GRM8: variants seen among roughly 807,000 people sequenced by gnomAD.
GRM8 encodes the protein metabotropic glutamate receptor 8.
In GRM8, 47 loss-of-function variants were observed where a neutral mutation model predicts 87.2. The ratio of observed to expected loss-of-function variants is 0.54; its 90% CI spans 0.43 to 0.69. The LOEUF (loss-of-function observed/expected upper bound fraction) is 0.69. Ranked by LOEUF, GRM8 falls within the 30% of genes least tolerant of loss-of-function variation. The probability of loss-of-function intolerance (pLI) is 0.00; values close to 1 mark genes in which losing one functional copy is unlikely to be tolerated. For missense variants in GRM8, 1,019 were observed against 1,139.2 expected (o/e 0.89, Z 1.52); for synonymous variants, 396 against 404.5 (o/e 0.98, Z 0.25).
At chr7:126,903,454 C>T (rs1802300275) in intron 5 of GRM8, among the ~76,000 whole-genome samples, 2 of 151,390 alleles carry the variant, frequency 1.3e-5, no homozygotes, top group Admixed American at 1.3e-4. Flanking sequence ...ACCATAAATA[C>T]CCATGGAAAT....
At chr7:126,914,631 A>C (rs936824483) in intron 3 of GRM8, among the ~76,000 whole-genome samples, 4 of 152,234 alleles carry the variant, frequency 2.6e-5, no homozygotes, top group Non-Finnish European at 4.4e-5. Flanking sequence ...ACATGGATGC[A>C]GCTAGAGGCC....
Position 126,609,502 on chromosome 7 carries a change from TA to T in GRM8, c.1358-5del. On this transcript the variant is annotated splice_region_variant and splice_polypyrimidine_tract_variant and intron_variant, in intron 7 of 10. Transcript: ENST00000339582. ...GTGACAGGAGTGCCAGCACTGCCTA[TA>T]AAGATTTAGAAAACAATGTTAATAA... 6.2e-7 allele frequency: 1 copy of T among 1,606,982 alleles called. No homozygotes were observed.
At chr7:126,554,732 A>G (rs1166774398) in intron 8 of GRM8, among the ~76,000 whole-genome samples, 1 of 152,180 alleles carries the variant, frequency 6.6e-6, no homozygotes, top group Non-Finnish European at 1.5e-5. Context: ...TATTTTTATA[A>G]AAGTTTTCAG....
intron 3 of GRM8, among the ~76,000 whole-genome samples, chr7:127,003,302 G>A (rs17867124): frequency 0.027 from 4,075 of 151,730 alleles, 146 homozygotes; most frequent in Middle Eastern, 0.099. Context: ...CAACATCTTA[G>A]GAAAACATCC....
chr7:127,131,855 G>C (rs1470321411), intron 2 of GRM8, among the ~76,000 whole-genome samples: 1 of 151,928 alleles, frequency 6.6e-6, no homozygotes, highest in African/African-American at 2.4e-5. Flanking sequence ...CCTGGAATCT[G>C]TTATTTATGC....
intron 3 of GRM8, among the ~76,000 whole-genome samples, chr7:126,943,942 A>G (rs1208814953): frequency 6.6e-6 from 1 of 152,258 alleles, no homozygotes; most frequent in African/African-American, 2.4e-5. Context: ...GTGCTTGATG[A>G]AAGTTTAAAT....
chr7:126,576,161 A>G (rs1199892428), intron 8 of GRM8, among the ~76,000 whole-genome samples: 1 of 152,234 alleles, frequency 6.6e-6, no homozygotes, highest in Non-Finnish European at 1.5e-5. Flanking sequence ...TCTCACCAAC[A>G]TTTTGAGAAG....
In GRM8 at chr7:126,537,229, G is replaced by T. The variant is rs556079013; in HGVS notation, c.1495-3342C>A. 1.8e-4 allele frequency among the ~76,000 whole-genome samples: 28 copies of T among 152,264 alleles called. 1 individual carries two copies. In the South Asian group the frequency reaches 5.8e-3, roughly 32 times the overall value. ...TAACATTTTTATTATAAAGGAGACTGTAATGTTATAGTTTACAGATTATGT... is the reference window on the plus strand; with the variant it reads ...TAACATTTTTATTATAAAGGAGACTTTAATGTTATAGTTTACAGATTATGT... On this transcript the variant is annotated intron_variant, in intron 8 of 10. Transcript: ENST00000339582.
intron 7 of GRM8, among the ~76,000 whole-genome samples, chr7:126,724,493 C>T (rs919281489): frequency 6.6e-6 from 1 of 152,168 alleles, no homozygotes; most frequent in African/African-American, 2.4e-5. Context: ...CTCTCAGCCT[C>T]ACTTACCTGC....
At chr7:127,044,328 C>T (rs1818724796) in intron 3 of GRM8, among the ~76,000 whole-genome samples, 1 of 152,194 alleles carries the variant, frequency 6.6e-6, no homozygotes, top group South Asian at 2.1e-4. Context: ...CTCCCTACTC[C>T]ACCTGCCTAC....
chr7:126,913,751 T>A, intron 3 of GRM8, among the ~76,000 whole-genome samples: 1 of 152,208 alleles, frequency 6.6e-6, no homozygotes, highest in Non-Finnish European at 1.5e-5. Flanking sequence ...ACGCCTCCTG[T>A]AACAATATTT....
At chr7:127,015,942 G>A (rs900694358) in intron 3 of GRM8, among the ~76,000 whole-genome samples, 1 of 152,056 alleles carries the variant, frequency 6.6e-6, no homozygotes, top group Admixed American at 6.6e-5. Flanking sequence ...AGACATTTGA[G>A]AGAATGAGAT....
intron 6 of GRM8, among the ~76,000 whole-genome samples, chr7:126,893,039 A>G (rs1481992510): frequency 6.6e-6 from 1 of 152,082 alleles, no homozygotes; most frequent in Non-Finnish European, 1.5e-5. Context: ...GTATAAATGA[A>G]ACCTTTTTAA....
intron 3 of GRM8, among the ~76,000 whole-genome samples, chr7:127,065,595 A>G (rs976366744): frequency 3.9e-5 from 6 of 152,224 alleles, no homozygotes; most frequent in Non-Finnish European, 5.9e-5. Flanking sequence ...AGGATGAAAG[A>G]TAAGAAGAGT....
chr7:126,827,732 G>T (rs1440520064), intron 6 of GRM8, among the ~76,000 whole-genome samples: 1 of 152,304 alleles, frequency 6.6e-6, no homozygotes, highest in East Asian at 1.9e-4. Flanking sequence ...GCCCTGGCCA[G>T]AACTTCCAAC....
intron 6 of GRM8, among the ~76,000 whole-genome samples, chr7:126,895,116 A>G (rs895536689): frequency 6.6e-6 from 1 of 152,058 alleles, no homozygotes; most frequent in African/African-American, 2.4e-5. Context: ...AATGAGAAAA[A>G]CACGCACACA....
chr7:127,174,938 C>G (rs1011828715), intron 2 of GRM8, among the ~76,000 whole-genome samples: 4 of 152,092 alleles, frequency 2.6e-5, no homozygotes, highest in Non-Finnish European at 5.9e-5. Flanking sequence ...AGCTTATGGA[C>G]AAACAGGGAG....
At position 126,533,254 on chromosome 7, in the gene GRM8, C is replaced by T; in HGVS notation, c.2128G>A (p.Val710Met). The T allele has an allele frequency of 6.2e-7, 1 of 1,613,566 alleles. No homozygotes were observed. The highest frequency in any genetic ancestry group is 1.1e-5 in the South Asian group (1 of 91,044). ...GGATCCACAACAAACCAGACAAACA[C>T]TCCAAGGAGCTGGACGGAGATGAGG... ...FSLISVQLLGVFVWFVVDPPH... is the reference protein window; with the variant it reads ...FSLISVQLLGMFVWFVVDPPH... The change falls in exon 9 of 11, where the codon GTG (valine) becomes ATG (methionine). Residue 710 changes from valine (V) to methionine (M), a missense_variant. Val to Met is a conservative substitution (Grantham distance 21). Coordinates refer to ENST00000339582, the MANE Select transcript of GRM8 (RefSeq NM_000845.3).
chr7:126,653,281 CAG>C (rs1804126044), intron 7 of GRM8, among the ~76,000 whole-genome samples: 1 of 123,944 alleles, frequency 8.1e-6, no homozygotes, highest in Non-Finnish European at 1.6e-5. Flanking sequence ...TCCTGGGTGA[CAG>C]AGTGAGATCC....
Sources: gnomAD v4.1 joint callset for allele counts (sites outside exome capture counted in the v4.1 genomes callset) on GRCh38, gnomAD v4.1.1 for gene constraint, MANE v1.5 for transcripts, NCBI Gene and HGNC (gene_info 2026-07-23, HGNC 2026-07-21) for gene names.